TMCC1: variants seen among roughly 807,000 people sequenced by gnomAD.
TMCC1 encodes transmembrane and coiled-coil domain family 1.
A neutral mutation model predicts 52.4 loss-of-function variants in TMCC1; 15 were observed. The ratio of observed to expected loss-of-function variants is 0.29; its 90% CI spans 0.19 to 0.44. TMCC1 has a LOEUF of 0.44. Ranked by LOEUF, TMCC1 falls within the 20% of genes least tolerant of loss-of-function variation. The probability of loss-of-function intolerance (pLI) is 1.00; values close to 1 mark genes in which losing one functional copy is unlikely to be tolerated. For missense variants in TMCC1, 503 were observed against 806.0 expected, an observed-to-expected ratio of 0.62 and a Z score of 4.55; for synonymous variants, 279 against 301.9, an observed-to-expected ratio of 0.92 and a Z score of 0.79.
intron 1 of TMCC1, chr3:129,893,160 T>C (rs1456293352): frequency 2.6e-5 from 4 of 152,122 alleles, no homozygotes; most frequent in African/African-American, 9.7e-5. Context: ...TCGGCCCGAC[T>C]TCTCACACGC....
chr3:129,767,508 G>A (rs2054229115), intron 4 of TMCC1, among the ~76,000 whole-genome samples: 1 of 152,054 alleles, frequency 6.6e-6, no homozygotes, highest in Non-Finnish European at 1.5e-5. Flanking sequence ...GAGTAGCTAG[G>A]ACTACAGGTG....
At chr3:129,889,347 A>G (rs530685181) in intron 1 of TMCC1, among the ~76,000 whole-genome samples, 204 of 152,312 alleles carry the variant, frequency 1.3e-3, no homozygotes, top group African/African-American at 4.0e-3. Context: ...AAAGTCTGAG[A>G]AATTGTCACA....
chr3:129,779,529 T>C (rs1008836856), intron 4 of TMCC1, among the ~76,000 whole-genome samples: 7 of 152,210 alleles, frequency 4.6e-5, no homozygotes, highest in African/African-American at 1.4e-4. Context: ...TTTGATATTA[T>C]GGGTAAATAT....
intron 4 of TMCC1, among the ~76,000 whole-genome samples, chr3:129,793,615 T>C (rs1479676593): frequency 2.0e-5 from 3 of 152,220 alleles, no homozygotes; most frequent in Non-Finnish European, 2.9e-5. Flanking sequence ...ACTAAATGAC[T>C]GGGTCAAGGA....
chr3:129,663,541 T>C (rs1290590914), intron 5 of TMCC1, among the ~76,000 whole-genome samples: 1 of 152,158 alleles, frequency 6.6e-6, no homozygotes, highest in Non-Finnish European at 1.5e-5. Context: ...CCTTACCTTT[T>C]GTTACCTTTT....
chr3:129,891,186 C>T (rs2061949722), intron 1 of TMCC1, among the ~76,000 whole-genome samples: 1 of 152,176 alleles, frequency 6.6e-6, no homozygotes, highest in African/African-American at 2.4e-5. Context: ...AGTAACCCTC[C>T]ACCCACCTTT....
intron 2 of TMCC1, among the ~76,000 whole-genome samples, chr3:129,868,140 G>GGA (rs1553897067): frequency 6.6e-6 from 1 of 152,058 alleles, no homozygotes; most frequent in Non-Finnish European, 1.5e-5. Flanking sequence ...GCAGAGGGGG[G>GGA]AAAAACCATA....
chr3:129,744,568 A>G (rs2051758030), intron 4 of TMCC1, among the ~76,000 whole-genome samples: 1 of 152,194 alleles, frequency 6.6e-6, no homozygotes, highest in Non-Finnish European at 1.5e-5. Flanking sequence ...CTACAAGCAC[A>G]CACACCTGTG....
intron 2 of TMCC1, among the ~76,000 whole-genome samples, chr3:129,870,391 T>C (rs925170489): frequency 6.6e-6 from 1 of 152,080 alleles, no homozygotes; most frequent in Non-Finnish European, 1.5e-5. Context: ...TATTTCCAAG[T>C]ATTATCTTCA....
chr3:129,770,117 T>C (rs1243346056), intron 4 of TMCC1, among the ~76,000 whole-genome samples: 2 of 152,202 alleles, frequency 1.3e-5, no homozygotes, highest in Admixed American at 1.3e-4. Flanking sequence ...GGGAAGCAAC[T>C]CTAAGGTTGA....
intron 5 of TMCC1, among the ~76,000 whole-genome samples, chr3:129,664,525 C>T (rs1337664895): frequency 1.3e-5 from 2 of 152,176 alleles, no homozygotes; most frequent in Admixed American, 6.5e-5. Flanking sequence ...GGGTTTAATA[C>T]AAACTTTCTC....
intron 4 of TMCC1, among the ~76,000 whole-genome samples, chr3:129,781,629 A>G (rs962284280): frequency 6.6e-6 from 1 of 152,188 alleles, no homozygotes; most frequent in Non-Finnish European, 1.5e-5. Flanking sequence ...TGGCTAGAAT[A>G]AAATGAGTAA....
chr3:129,711,449 T>C (rs1323888131), intron 4 of TMCC1, among the ~76,000 whole-genome samples: 1 of 152,224 alleles, frequency 6.6e-6, no homozygotes, highest in East Asian at 1.9e-4. Flanking sequence ...TAAGATATGC[T>C]ACTCCCACTT....
chr3:129,692,415 T>C (rs2047087883), intron 4 of TMCC1, among the ~76,000 whole-genome samples: 1 of 152,228 alleles, frequency 6.6e-6, no homozygotes, highest in South Asian at 2.1e-4. Context: ...CCAGATGAAT[T>C]TCTAATTAGA....
At chr3:129,841,848 G>A (rs1577054607) in intron 2 of TMCC1, among the ~76,000 whole-genome samples, 1 of 152,128 alleles carries the variant, frequency 6.6e-6, no homozygotes, top group Non-Finnish European at 1.5e-5. Flanking sequence ...CATGTAAGAC[G>A]TGACTTACTT....
chr3:129,793,548 A>G (rs2056616097), intron 4 of TMCC1, among the ~76,000 whole-genome samples: 1 of 152,192 alleles, frequency 6.6e-6, no homozygotes, highest in Admixed American at 6.5e-5. Context: ...AAAGAACACA[A>G]TGGGTTTTGA....
chr3:129,849,189 G>A (rs2059798592), intron 2 of TMCC1, among the ~76,000 whole-genome samples: 1 of 152,164 alleles, frequency 6.6e-6, no homozygotes, highest in Non-Finnish European at 1.5e-5. Flanking sequence ...TCGGCTGGGT[G>A]CAGAGGCTCA....
In TMCC1 at chr3:129,807,582, C is replaced by A. The variant is rs933253637; in HGVS notation, c.576+20221G>T. On this transcript the variant is annotated intron_variant, in intron 4 of 6. Coordinates refer to ENST00000393238, the MANE Select transcript of TMCC1 (RefSeq NM_001017395.5). Reference sequence around the variant, plus strand: ...TTGTACAACTTCAGGACAACAGAGACAAAGAGAAGAGCTTTTTTTGAAATT... The same window carrying A: ...TTGTACAACTTCAGGACAACAGAGAAAAAGAGAAGAGCTTTTTTTGAAATT... 7.9e-5 allele frequency among the ~76,000 whole-genome samples: 12 copies of A among 152,094 alleles called. No individual in the cohort carries two copies. In the East Asian group the frequency reaches 2.3e-3, roughly 29 times the overall value.
intron 4 of TMCC1, among the ~76,000 whole-genome samples, chr3:129,810,018 C>T (rs1441452593): frequency 2.0e-5 from 3 of 152,296 alleles, no homozygotes; most frequent in African/African-American, 7.2e-5. Context: ...CTAATCCACA[C>T]ATCTCTGCAC....
Sources: gnomAD v4.1 joint callset for allele counts (sites outside exome capture counted in the v4.1 genomes callset) on GRCh38, gnomAD v4.1.1 for gene constraint, MANE v1.5 for transcripts, NCBI Gene and HGNC (gene_info 2026-07-23, HGNC 2026-07-21) for gene names.